Variants in SNX29 observed in about 807,000 individuals in gnomAD.
The protein encoded by SNX29 is sorting nexin 29.
A neutral mutation model predicts 102.1 loss-of-function variants in SNX29; 78 were observed. The ratio of observed to expected loss-of-function variants is 0.76; its 90% confidence interval spans 0.64 to 0.92. SNX29 has a LOEUF of 0.92. Among genes scored for constraint, SNX29 ranks in the 40% least tolerant of loss-of-function variants. SNX29 has a pLI of 0.00. For missense variants in SNX29, 1,280 were observed against 1,061.7 expected (o/e 1.21, Z -2.86); for synonymous variants, 580 against 414.5 (o/e 1.40, Z -4.85).
At chr16:12,110,180 A>C (rs1482164309) in intron 11 of SNX29, among the ~76,000 whole-genome samples, 1 of 152,234 alleles carries the variant, frequency 6.6e-6, no homozygotes, top group South Asian at 2.1e-4. Context: ...TAAAGCTGCA[A>C]ATGGCTCTCA....
intron 10 of SNX29, among the ~76,000 whole-genome samples, chr16:12,078,501 T>C (rs2051698885): frequency 6.6e-6 from 1 of 152,160 alleles, no homozygotes; most frequent in Non-Finnish European, 1.5e-5. Flanking sequence ...AGAGGATGCT[T>C]GTTTACGGTG....
intron 18 of SNX29, among the ~76,000 whole-genome samples, chr16:12,457,821 A>G (rs2086604412): frequency 6.6e-6 from 1 of 152,222 alleles, no homozygotes; most frequent in Non-Finnish European, 1.5e-5. Flanking sequence ...AAATGAGTAC[A>G]TTGGGTAAAT....
At chr16:12,275,172 G>C (rs1007547385) in intron 14 of SNX29, among the ~76,000 whole-genome samples, 2 of 152,176 alleles carry the variant, frequency 1.3e-5, no homozygotes, top group African/African-American at 4.8e-5. Context: ...ATCTGGCTGT[G>C]CCATTCCACT....
chr16:12,307,396 G>A (rs541839080), intron 15 of SNX29, among the ~76,000 whole-genome samples: 2 of 152,208 alleles, frequency 1.3e-5, no homozygotes, highest in Non-Finnish European at 2.9e-5. Context: ...TGCAATTCCT[G>A]TCATTAAATG....
At chr16:12,415,889 C>G (rs926831911) in intron 18 of SNX29, among the ~76,000 whole-genome samples, 3 of 152,114 alleles carry the variant, frequency 2.0e-5, no homozygotes, top group South Asian at 2.1e-4. Context: ...CCTCTTAAAC[C>G]CCATCTCCCC....
intron 5 of SNX29, among the ~76,000 whole-genome samples, chr16:12,044,870 T>C (rs2050025278): frequency 1.3e-5 from 2 of 152,198 alleles, no homozygotes; most frequent in African/African-American, 2.4e-5. Flanking sequence ...CGTGAGTTAC[T>C]GTGTCTGGCC....
At chr16:12,221,918 C>G (rs137999495) in intron 14 of SNX29, among the ~76,000 whole-genome samples, 5 of 152,166 alleles carry the variant, frequency 3.3e-5, no homozygotes, top group Admixed American at 6.5e-5. Context: ...TGTCACTGAC[C>G]GTACCATCTC....
intron 16 of SNX29, among the ~76,000 whole-genome samples, chr16:12,364,173 G>GTTATGTTATGTTATGTTATA (rs1286362677): frequency 1.0e-4 from 15 of 144,800 alleles, no homozygotes; most frequent in Admixed American, 1.0e-3. Flanking sequence ...GTTATGTTAT[G>GTTATGTTATGTTATGTTATA]TTATGTTATG....
intron 20 of SNX29, among the ~76,000 whole-genome samples, chr16:12,561,957 C>T (rs1244063634): frequency 6.6e-6 from 1 of 152,172 alleles, no homozygotes; most frequent in Non-Finnish European, 1.5e-5. Flanking sequence ...TCCCTGGGGG[C>T]ATGATGTCCC....
intron 15 of SNX29, among the ~76,000 whole-genome samples, chr16:12,319,387 G>A (rs530781983): frequency 6.6e-6 from 1 of 152,256 alleles, no homozygotes; most frequent in African/African-American, 2.4e-5. Flanking sequence ...CCAGCTACTG[G>A]GGAGGCTGAG....
At chr16:12,548,413 T>TG (rs1229821592) in intron 20 of SNX29, among the ~76,000 whole-genome samples, 2 of 152,234 alleles carry the variant, frequency 1.3e-5, no homozygotes, top group Admixed American at 6.5e-5. Flanking sequence ...AACCTACCTC[T>TG]GGCTCCCCAC....
chr16:12,210,796 C>T (rs2077164340), intron 14 of SNX29, among the ~76,000 whole-genome samples: 1 of 152,040 alleles, frequency 6.6e-6, no homozygotes, highest in African/African-American at 2.4e-5. Flanking sequence ...TCCCTTCTCT[C>T]TTGTTTCACT....
intron 20 of SNX29, among the ~76,000 whole-genome samples, chr16:12,525,903 C>A (rs1349365319): frequency 6.6e-6 from 1 of 152,106 alleles, no homozygotes; most frequent in East Asian, 1.9e-4. Context: ...GTCCTTTTGA[C>A]GTCCCTGCCT....
chr16:12,396,858 C>T (rs1157475369), intron 16 of SNX29, among the ~76,000 whole-genome samples: 3 of 152,202 alleles, frequency 2.0e-5, no homozygotes, highest in Non-Finnish European at 4.4e-5. Flanking sequence ...AATACGTCTT[C>T]ATTGTAGAAA....
intron 1 of SNX29, among the ~76,000 whole-genome samples, chr16:11,978,273 A>T (rs187507750): frequency 6.6e-6 from 1 of 152,220 alleles, no homozygotes; most frequent in Admixed American, 6.5e-5. Context: ...CTCAGTAAAG[A>T]TGTTATGAGC....
intron 15 of SNX29, among the ~76,000 whole-genome samples, chr16:12,348,326 C>G (rs116771382): frequency 6.6e-6 from 1 of 152,162 alleles, no homozygotes; most frequent in Non-Finnish European, 1.5e-5. Flanking sequence ...GAAGGCTTAC[C>G]CTAGCTGCTG....
chr16:12,380,824 CATCCACCCACCCACCCACCCACCATCT>C (rs2083083976), intron 16 of SNX29, among the ~76,000 whole-genome samples: 1 of 107,734 alleles, frequency 9.3e-6, no homozygotes, highest in African/African-American at 3.4e-5. Context: ...ACCCGCCATC[CATCCACCCACCCACCCACCCACCATCT>C]ATCCATCCAC....
intron 3 of SNX29, among the ~76,000 whole-genome samples, chr16:12,005,681 C>G (rs1265775534): frequency 1.3e-5 from 2 of 152,124 alleles, no homozygotes; most frequent in Non-Finnish European, 2.9e-5. Flanking sequence ...TGTATTCTTA[C>G]ACGGGTGGAG....
intron 18 of SNX29, among the ~76,000 whole-genome samples, chr16:12,410,953 A>G (rs972338047): frequency 2.0e-5 from 3 of 152,110 alleles, no homozygotes; most frequent in African/African-American, 7.2e-5. Context: ...TGGGCCCTCA[A>G]GTTCTCTTTT....
Sources: gnomAD v4.1 joint callset for allele counts (sites outside exome capture counted in the v4.1 genomes callset) on GRCh38, gnomAD v4.1.1 for gene constraint, MANE v1.5 for transcripts, NCBI Gene and HGNC (gene_info 2026-07-23, HGNC 2026-07-21) for gene names.